CAPN8: variants seen among roughly 807,000 people sequenced by gnomAD.
CAPN8 encodes calpain-8.
Under a neutral mutation model 80.9 loss-of-function variants are expected in CAPN8, and 87 were observed. That is an observed-to-expected ratio of 1.07 (90% confidence interval 0.90 to 1.28). The LOEUF (loss-of-function observed/expected upper bound fraction) is 1.28, where lower values mean the gene tolerates loss of function less well. Ranked by LOEUF, CAPN8 falls within the 50% of genes most tolerant of loss-of-function variation. The pLI is 0.00. For missense variants in CAPN8, 757 were observed against 702.0 expected (o/e 1.08, Z -0.89); for synonymous variants, 299 against 273.8 (o/e 1.09, Z -0.91).
intron 2 of CAPN8, among the ~76,000 whole-genome samples, chr1:223,647,668 G>A (rs769118609): frequency 2.6e-5 from 4 of 151,880 alleles, no homozygotes; most frequent in Admixed American, 6.6e-5. Context: ...CGAATTGATC[G>A]ACACCTGCTG....
At chr1:223,542,143 C>T (rs1228916816) in intron 20 of CAPN8, among the ~76,000 whole-genome samples, 2 of 151,842 alleles carry the variant, frequency 1.3e-5, no homozygotes, top group Non-Finnish European at 2.9e-5. Flanking sequence ...CATATATACA[C>T]AATAGTGTAT....
At chr1:223,546,314 G>A (rs1248526716) in intron 16 of CAPN8, among the ~76,000 whole-genome samples, 2 of 152,184 alleles carry the variant, frequency 1.3e-5, no homozygotes, top group African/African-American at 4.8e-5. Flanking sequence ...GAGCCCAGGA[G>A]TTTGAGGCTG....
intron 17 of CAPN8, 121 bp downstream of exon 17, chr1:223,545,110 T>A: frequency 6.7e-7 from 1 of 1,483,354 alleles, no homozygotes; most frequent in Non-Finnish European, 9.1e-7. Flanking sequence ...ATGACCAATG[T>A]GCCCAGGACT....
intron 2 of CAPN8, among the ~76,000 whole-genome samples, chr1:223,649,709 G>C (rs1286722981): frequency 6.6e-6 from 1 of 152,166 alleles, no homozygotes; most frequent in Non-Finnish European, 1.5e-5. Flanking sequence ...AATACAAAAA[G>C]GCTTGGATTT....
intron 2 of CAPN8, among the ~76,000 whole-genome samples, chr1:223,634,487 G>A (rs555093619): frequency 1.2e-3 from 177 of 152,268 alleles, no homozygotes; most frequent in Middle Eastern, 6.8e-3. Context: ...AGGATGGTGG[G>A]GGAGGAACCA....
At chr1:223,632,518 A>G (rs1657802233) in intron 2 of CAPN8, among the ~76,000 whole-genome samples, 1 of 152,086 alleles carries the variant, frequency 6.6e-6, no homozygotes, top group African/African-American at 2.4e-5. Context: ...GACTACAGTC[A>G]TGTGCCACCA....
chr1:223,639,128 T>C (rs1253283636), intron 2 of CAPN8, among the ~76,000 whole-genome samples: 1 of 152,088 alleles, frequency 6.6e-6, no homozygotes, highest in Non-Finnish European at 1.5e-5. Flanking sequence ...TAATCTCAGC[T>C]ACTCGGGAGG....
rs200473326 is a variant in CAPN8 at position 223,627,083 on chromosome 1, G to A, written c.635C>T (p.Ser212Phe). The part of the protein sequence containing the change: ...EGFEDFTGGI[S>F]EFYDLKKPPA... ...TGGTTTCTTCAGGTCATAAAACTCAGAGATGCCACCTGTGAAATCCTCAAA... is the reference window on the plus strand; with the variant it reads ...TGGTTTCTTCAGGTCATAAAACTCAAAGATGCCACCTGTGAAATCCTCAAA... The change falls in exon 5 of 21, where the codon TCT (serine) becomes TTT (phenylalanine). Residue 212 changes from serine to phenylalanine, a missense_variant. Physicochemically the swap from Ser to Phe is radical, Grantham distance 155. Transcript: ENST00000366872. The A allele has an allele frequency of 3.9e-6, 6 of 1,552,110 alleles. No individual in the cohort carries two copies. The African/African-American group carries it at 4.1e-5, about 11-fold the overall frequency.
At chr1:223,635,675 A>G (rs1657897295) in intron 2 of CAPN8, among the ~76,000 whole-genome samples, 1 of 85,050 alleles carries the variant, frequency 1.2e-5, no homozygotes, top group Admixed American at 1.3e-4. Context: ...TAATTGTATC[A>G]AAGGTTATTT....
intron 2 of CAPN8, among the ~76,000 whole-genome samples, chr1:223,629,152 G>C (rs1657695433): frequency 6.6e-6 from 1 of 151,752 alleles, no homozygotes. Context: ...TTGGTTGAGG[G>C]AAACATTGAA....
intron 15 of CAPN8, among the ~76,000 whole-genome samples, chr1:223,550,231 T>C (rs1656746226): frequency 6.6e-6 from 1 of 152,176 alleles, no homozygotes; most frequent in African/African-American, 2.4e-5. Flanking sequence ...GGGCCTGTGC[T>C]CCGAGCCCTG....
At chr1:223,638,343 G>C (rs375394870) in intron 2 of CAPN8, among the ~76,000 whole-genome samples, 1 of 151,990 alleles carries the variant, frequency 6.6e-6, no homozygotes, top group African/African-American at 2.4e-5. Context: ...CACAGATACC[G>C]AGGGAAGACT....
intron 2 of CAPN8, among the ~76,000 whole-genome samples, chr1:223,648,026 A>T (rs1658236728): frequency 6.6e-6 from 1 of 152,174 alleles, no homozygotes; most frequent in Non-Finnish European, 1.5e-5. Flanking sequence ...CGCAAAGCAG[A>T]ATTCTTTCGT....
chr1:223,629,797 T>G (rs764572259), intron 2 of CAPN8, among the ~76,000 whole-genome samples: 1 of 152,222 alleles, frequency 6.6e-6, no homozygotes, highest in Non-Finnish European at 1.5e-5. Context: ...TCATTGTAGA[T>G]CTCTAGCTCT....
Position 223,544,499 on chromosome 1 carries a change from T to C in CAPN8, c.1912+273A>G, listed in dbSNP as rs372245197. ...TGCCTGTCTGGCCAGTTCCTGTCTG[T>C]CTCCTTCATAGCCCCTTCCTCTGTA... On this transcript the variant is annotated intron_variant, in intron 18 of 20. Coordinates refer to ENST00000366872, the MANE Select transcript of CAPN8 (RefSeq NM_001143962.2). Among the ~76,000 whole-genome samples, 13 of 152,242 alleles carry C rather than the reference T, an allele frequency of 8.5e-5. No homozygotes were observed. In the East Asian group the frequency reaches 1.9e-3, roughly 23 times the overall value.
At chr1:223,556,411 A>G (rs1024644241) in intron 13 of CAPN8, among the ~76,000 whole-genome samples, 6 of 152,296 alleles carry the variant, frequency 3.9e-5, no homozygotes, top group East Asian at 3.9e-4. Flanking sequence ...TCTTGGGGAT[A>G]TGGGAACCCT....
At chr1:223,631,070 T>C (rs1406152502) in intron 2 of CAPN8, among the ~76,000 whole-genome samples, 1 of 152,134 alleles carries the variant, frequency 6.6e-6, no homozygotes, top group Non-Finnish European at 1.5e-5. Flanking sequence ...CTTTTTCCTA[T>C]TACACTCTCC....
intron 20 of CAPN8, among the ~76,000 whole-genome samples, chr1:223,542,690 C>CT (rs2102684606): frequency 6.6e-6 from 1 of 152,294 alleles, no homozygotes; most frequent in African/African-American, 2.4e-5. Flanking sequence ...CATTATGTGA[C>CT]TTGTACACAG....
chr1:223,614,266 G>A (rs190669815), intron 10 of CAPN8, among the ~76,000 whole-genome samples: 232 of 152,288 alleles, frequency 1.5e-3, no homozygotes, highest in Non-Finnish European at 2.2e-3. Context: ...CAGATGTGGT[G>A]GCACGCACCT....
Sources: allele counts gnomAD v4.1 joint callset (sites outside exome capture counted in the v4.1 genomes callset), GRCh38; gene constraint gnomAD v4.1.1; transcripts MANE v1.5; gene names NCBI Gene and HGNC (gene_info 2026-07-23, HGNC 2026-07-21).